The following SPATA21 variants were observed in gnomAD, a reference collection of about 807,000 sequenced individuals.
SPATA21 encodes the protein spermatogenesis associated 21, also known as spermatogenesis-associated protein 21.
A neutral mutation model predicts 54.8 loss-of-function variants in SPATA21; 47 were observed. The observed-to-expected ratio is 0.86, with a 90% CI of 0.68 to 1.09. SPATA21 has a LOEUF of 1.09. SPATA21 is among the 50% of genes least tolerant of loss of function. SPATA21 has a pLI of 0.00. For missense variants in SPATA21, 599 were observed against 596.4 expected, an observed-to-expected ratio of 1.00 and a Z score of -0.05; for synonymous variants, 245 against 235.3, an observed-to-expected ratio of 1.04 and a Z score of -0.38.
intron 10 of SPATA21, among the ~76,000 whole-genome samples, chr1:16,403,191 A>G (rs905398986): frequency 6.6e-6 from 1 of 152,124 alleles, no homozygotes; most frequent in African/African-American, 2.4e-5. Context: ...CTTCTGACCC[A>G]GATAGGGTCC....
intron 5 of SPATA21, among the ~76,000 whole-genome samples, chr1:16,411,189 C>T (rs1356759049): frequency 2.6e-5 from 4 of 152,106 alleles, no homozygotes; most frequent in African/African-American, 9.7e-5. Context: ...ATCATCTTCC[C>T]TCTTTTATTT....
chr1:16,401,852 T>C (rs1308819133), intron 10 of SPATA21, among the ~76,000 whole-genome samples: 2 of 152,178 alleles, frequency 1.3e-5, no homozygotes, highest in South Asian at 2.1e-4. Context: ...CCCGCTAGAC[T>C]ACAACATCAT....
intron 5 of SPATA21, among the ~76,000 whole-genome samples, chr1:16,419,941 A>C (rs1365500897): frequency 6.6e-6 from 1 of 152,090 alleles, no homozygotes; most frequent in Non-Finnish European, 1.5e-5. Flanking sequence ...GTCAATTCAA[A>C]AAAAGAAAAA....
intron 3 of SPATA21, 54 bp from the exon 4 acceptor site, chr1:16,422,025 C>A: frequency 3.1e-6 from 5 of 1,613,712 alleles, no homozygotes; most frequent in Non-Finnish European, 1.7e-6. Flanking sequence ...GTCCCCATGT[C>A]CCCCTGGGCT....
In SPATA21 at chr1:16,427,486, C is replaced by T. The variant is rs202090675; in HGVS notation, c.34+3852G>A. Among the ~76,000 whole-genome samples, 6 of 152,210 alleles carry T rather than the reference C, an allele frequency of 3.9e-5. 1 individual carries two copies. In the East Asian group the frequency reaches 1.2e-3, roughly 30 times the overall value. On this transcript the variant is annotated intron_variant, in intron 3 of 12. Coordinates refer to ENST00000335496, the MANE Select transcript of SPATA21 (RefSeq NM_198546.1). ...AAACACAAAATTTAGAAAACAATTA[C>T]GTGTACATCTTTACATGTTCCTGTG... is the stretch of plus-strand genomic sequence containing the variant.
chr1:16,420,967 AG>A (rs1183434720), intron 5 of SPATA21, among the ~76,000 whole-genome samples: 1 of 152,168 alleles, frequency 6.6e-6, no homozygotes, highest in Non-Finnish European at 1.5e-5. Flanking sequence ...CATGGGTACA[AG>A]GCTGAGTGAG....
intron 5 of SPATA21, among the ~76,000 whole-genome samples, chr1:16,416,232 T>G (rs563560919): frequency 6.0e-4 from 92 of 152,178 alleles, no homozygotes; most frequent in Non-Finnish European, 1.2e-3. Flanking sequence ...TAGGCCCAGC[T>G]TTTTGCAAGG....
intron 1 of SPATA21, among the ~76,000 whole-genome samples, chr1:16,436,158 G>A (rs370293405): frequency 1.4e-3 from 216 of 152,116 alleles, no homozygotes; most frequent in African/African-American, 4.6e-3. Context: ...AGGCCGAGGC[G>A]GGCAGATCAC....
At chr1:16,416,787 A>T (rs2086020509) in intron 5 of SPATA21, among the ~76,000 whole-genome samples, 1 of 152,104 alleles carries the variant, frequency 6.6e-6, no homozygotes, top group Non-Finnish European at 1.5e-5. Context: ...CAGAAATAGG[A>T]TGGCCTTCAA....
intron 2 of SPATA21, among the ~76,000 whole-genome samples, chr1:16,432,235 C>T (rs1302700944): frequency 6.6e-6 from 1 of 151,748 alleles, no homozygotes; most frequent in Admixed American, 6.6e-5. Flanking sequence ...AATTCTCCTG[C>T]CTCAGCCTCC....
chr1:16,411,789 CAAAA>C (rs1170429146), intron 5 of SPATA21, among the ~76,000 whole-genome samples: 2 of 35,170 alleles, frequency 5.7e-5, no homozygotes, highest in African/African-American at 1.1e-4. Context: ...GACTCTGTCT[CAAAA>C]AAAAAAAAAA....
At chr1:16,401,256 G>T (rs762465324) in intron 10 of SPATA21, among the ~76,000 whole-genome samples, 11 of 152,206 alleles carry the variant, frequency 7.2e-5, no homozygotes, top group Non-Finnish European at 1.3e-4. Flanking sequence ...ATGGTGTCTG[G>T]CACACGGAAA....
Position 16,404,977 on chromosome 1 carries a change from A to C in SPATA21, c.801T>G (p.Ala267=), listed in dbSNP as rs765608303. 2 of 1,596,322 alleles carry C rather than the reference A, an allele frequency of 1.3e-6. No individual in the cohort carries two copies. The highest frequency in any genetic ancestry group is 2.3e-5 in the South Asian group (2 of 88,058). ...LAQVEDALMS[A]DVNGDGRVDF... is the part of the protein sequence containing the mutation. ...CCCTCTGCCACTCACCATTGACATC[A>C]GCACTCATCAGGGCGTCCTCCACCT... is the stretch of plus-strand genomic sequence containing the variant. Residue 267 remains alanine, a synonymous_variant, in exon 8 of 13, where the codon GCT becomes GCG. Coordinates refer to ENST00000335496, the MANE Select transcript of SPATA21 (RefSeq NM_198546.1).
intron 3 of SPATA21, among the ~76,000 whole-genome samples, chr1:16,424,242 G>C (rs1401823719): frequency 1.4e-3 from 3 of 2,142 alleles, no homozygotes; most frequent in African/African-American, 2.0e-3. Context: ...GAACCTGGGA[G>C]GCAGAGCTTG....
At chr1:16,406,073 T>C (rs1310411839) in intron 7 of SPATA21, among the ~76,000 whole-genome samples, 1 of 152,008 alleles carries the variant, frequency 6.6e-6, no homozygotes, top group Non-Finnish European at 1.5e-5. Flanking sequence ...GGCCTGGATA[T>C]GGAATAGACA....
At chr1:16,424,059 G>C (rs2100871655) in intron 3 of SPATA21, among the ~76,000 whole-genome samples, 1 of 151,340 alleles carries the variant, frequency 6.6e-6, no homozygotes, top group East Asian at 1.9e-4. Flanking sequence ...TGTGGGGATG[G>C]TTTTGTGGGT....
intron 7 of SPATA21, among the ~76,000 whole-genome samples, chr1:16,405,463 G>A (rs1477936468): frequency 2.0e-5 from 3 of 147,274 alleles, no homozygotes; most frequent in Admixed American, 6.9e-5. Context: ...GGCAACACAG[G>A]GAGACCCCAT....
chr1:16,403,959 C>T lies in SPATA21; in HGVS notation c.883+9G>A, dbSNP rs2085542307. ...CAGTTCTGACTACGCTGGGCTCATC[C>T]CTGCTCACCCACAGAGCAGAAGAAG... On this transcript the variant is annotated intron_variant, in intron 9 of 12. Coordinates refer to ENST00000335496, the MANE Select transcript of SPATA21 (RefSeq NM_198546.1). 1 of 1,598,264 alleles carries T rather than the reference C, an allele frequency of 6.3e-7. No homozygotes were observed. The highest frequency in any genetic ancestry group is 8.5e-7 in the Non-Finnish European group (1 of 1,172,324).
At chr1:16,417,404 GCCTGCCA>G (rs1421801357) in intron 5 of SPATA21, among the ~76,000 whole-genome samples, 1 of 150,036 alleles carries the variant, frequency 6.7e-6, no homozygotes, top group African/African-American at 2.5e-5. Context: ...GACTACAGGT[GCCTGCCA>G]CCATGCCCAG....
Sources: gnomAD v4.1 joint callset for allele counts (sites outside exome capture counted in the v4.1 genomes callset) on GRCh38, gnomAD v4.1.1 for gene constraint, MANE v1.5 for transcripts, NCBI Gene and HGNC (gene_info 2026-07-23, HGNC 2026-07-21) for gene names.